Variants in PDZD9 observed in about 807,000 individuals in gnomAD.
PDZD9 encodes PDZ domain-containing protein 9.
In PDZD9, 13 loss-of-function variants were observed where a neutral mutation model predicts 16.3. The ratio of observed to expected loss-of-function variants is 0.80; its 90% CI spans 0.52 to 1.27. The LOEUF is 1.27. Among genes scored for constraint, PDZD9 ranks in the 50% most tolerant of loss-of-function variants. The probability of loss-of-function intolerance (pLI) is 0.00; values close to 1 mark genes in which losing one functional copy is unlikely to be tolerated. For synonymous variants in PDZD9, 120 were observed against 111.0 expected, an observed-to-expected ratio of 1.08 and a Z score of -0.51; for missense variants, 288 against 310.9, an observed-to-expected ratio of 0.93 and a Z score of 0.55.
the PDZD9 span, chr16:21,973,846 C>A: frequency 6.5e-7 from 1 of 1,547,342 alleles, no homozygotes; most frequent in Non-Finnish European, 8.8e-7. Flanking sequence ...GAAATCGTGC[C>A]CTGTTTTACT....
the PDZD9 span, chr16:21,968,466 T>C: frequency 1.0e-5 from 5 of 492,896 alleles, no homozygotes; most frequent in Admixed American, 2.0e-4. Context: ...GTTTTTATAA[T>C]AAAATCCCAG....
intron 3 of PDZD9, among the ~76,000 whole-genome samples, chr16:21,987,803 A>G (rs9934359): frequency 0.97 from 146,780 of 152,062 alleles, 71,221 homozygotes; most frequent in Middle Eastern, 0.99. Flanking sequence ...TCGAGGAAAC[A>G]GAGGTGTCTA....
intron 2 of PDZD9, among the ~76,000 whole-genome samples, chr16:21,989,948 T>C (rs1898982238): frequency 6.6e-6 from 1 of 152,080 alleles, no homozygotes; most frequent in South Asian, 2.1e-4. Flanking sequence ...TACTTGACAC[T>C]CCCACCTGGG....
the PDZD9 span, among the ~76,000 whole-genome samples, chr16:21,974,427 A>G: frequency 2.0e-5 from 3 of 152,340 alleles, no homozygotes; most frequent in South Asian, 4.1e-4. Flanking sequence ...AAACAGAAAG[A>G]AAAAGAGAAG....
chr16:21,997,796 G>A lies in PDZD9; in HGVS notation c.32-1295C>T, dbSNP rs996121691. 3.9e-5 allele frequency among the ~76,000 whole-genome samples: 6 copies of A among 152,228 alleles called. 1 individual carries two copies. The Middle Eastern group carries it at 0.01, about 259-fold the overall frequency. On this transcript the variant is annotated intron_variant, in intron 1 of 3. Coordinates refer to ENST00000424898, the MANE Select transcript of PDZD9 (RefSeq NM_001363519.1). ...CTTTTCGGTACACAGGAAGCTCCTG[G>A]GGAGATCTGTTTTCAGCACACTTTT...
the PDZD9 span, chr16:21,968,709 T>G: frequency 2.5e-6 from 4 of 1,592,852 alleles, no homozygotes; most frequent in African/African-American, 5.4e-5. Context: ...ATTGCCTGCC[T>G]GTCAGTTTGC....
At chr16:21,991,454 G>A (rs1027382663) in intron 2 of PDZD9, among the ~76,000 whole-genome samples, 7 of 152,048 alleles carry the variant, frequency 4.6e-5, no homozygotes, top group African/African-American at 1.7e-4. Flanking sequence ...GCCCCAGCTG[G>A]TCTCGAACTC....
chr16:21,973,192 A>G, the PDZD9 span, among the ~76,000 whole-genome samples: 6 of 152,360 alleles, frequency 3.9e-5, no homozygotes, highest in South Asian at 2.1e-4. Flanking sequence ...TTTATTGTAC[A>G]TAAGAATTAC....
the PDZD9 span, chr16:21,971,577 G>C: frequency 6.2e-7 from 1 of 1,614,160 alleles, no homozygotes; most frequent in South Asian, 1.1e-5. Context: ...TCAACATGAG[G>C]GGTGGGCTTG....
chr16:21,964,739 C>T, the PDZD9 span, among the ~76,000 whole-genome samples: 6 of 152,246 alleles, frequency 3.9e-5, no homozygotes, highest in Non-Finnish European at 8.8e-5. Flanking sequence ...ACACTGCCGA[C>T]ATTGCACCCA....
At chr16:21,982,993 A>T, downstream of PDZD9, 7 of 950,270 alleles carry the variant, frequency 7.4e-6, no homozygotes, top group Non-Finnish European at 1.1e-5. Flanking sequence ...AGAATGTCCT[A>T]TCCATAAATT....
intron 1 of PDZD9, among the ~76,000 whole-genome samples, chr16:21,997,901 C>T (rs1171204818): frequency 6.6e-6 from 1 of 152,090 alleles, no homozygotes; most frequent in Non-Finnish European, 1.5e-5. Context: ...GTGGTGTTTT[C>T]AGGGCCACTG....
chr16:21,971,947 ACAGT>A, the PDZD9 span: 1 of 1,614,098 alleles, frequency 6.2e-7, no homozygotes, highest in Non-Finnish European at 8.5e-7. Flanking sequence ...CAGAATGGAG[ACAGT>A]CTTGTCCATG....
At chr16:21,971,436 A>T in the PDZD9 span, 2 of 1,094,118 alleles carry the variant, frequency 1.8e-6, no homozygotes, top group Non-Finnish European at 2.7e-6. Context: ...AGGATTTTAC[A>T]ATCGTATTTT....
chr16:21,960,513 A>G, the PDZD9 span, among the ~76,000 whole-genome samples: 2 of 152,174 alleles, frequency 1.3e-5, no homozygotes, highest in East Asian at 1.9e-4. Flanking sequence ...CATATCATTT[A>G]TGTGTTCAGT....
At chr16:21,971,759 T>A in the PDZD9 span, 1 of 1,320,766 alleles carries the variant, frequency 7.6e-7, no homozygotes, top group South Asian at 1.3e-5. Flanking sequence ...TGTTGTATTT[T>A]GAGCATATGT....
At chr16:21,962,355 T>G in the PDZD9 span, 5 of 1,380,358 alleles carry the variant, frequency 3.6e-6, no homozygotes, top group Non-Finnish European at 5.1e-6. Context: ...GCACCTTTTA[T>G]ACTTCAGAAA....
At chr16:21,971,370 G>T in the PDZD9 span, among the ~76,000 whole-genome samples, 6 of 152,154 alleles carry the variant, frequency 3.9e-5, no homozygotes, top group African/African-American at 9.7e-5. Context: ...CTGTAATTGG[G>T]TATCTCTGGG....
At chr16:21,981,165 A>G (rs1188667268), downstream of PDZD9, among the ~76,000 whole-genome samples, 1 of 152,122 alleles carries the variant, frequency 6.6e-6, no homozygotes, top group Admixed American at 6.5e-5. Flanking sequence ...TAGCATCTTA[A>G]GATTTTCTTT....
Sources: gnomAD v4.1 joint callset for allele counts (sites outside exome capture counted in the v4.1 genomes callset) on GRCh38, gnomAD v4.1.1 for gene constraint, MANE v1.5 for transcripts, NCBI Gene and HGNC (gene_info 2026-07-23, HGNC 2026-07-21) for gene names.